Variants in ALMS1 observed in about 807,000 individuals in gnomAD.
The protein encoded by ALMS1 is ALMS1 centrosome and basal body associated protein.
Under a neutral mutation model 352.2 loss-of-function variants are expected in ALMS1, and 271 were observed. That is an observed-to-expected ratio of 0.77 (90% CI 0.70 to 0.85). The LOEUF is 0.85. Among genes scored for constraint, ALMS1 ranks in the 40% least tolerant of loss-of-function variants. The pLI is 0.00. For missense variants in ALMS1, 5,445 were observed against 4,870.7 expected (o/e 1.12, Z -3.51); for synonymous variants, 1,865 against 1,761.2 (o/e 1.06, Z -1.48).
intron 13 of ALMS1, among the ~76,000 whole-genome samples, chr2:73,551,269 A>G (rs868488250): frequency 6.6e-6 from 1 of 152,078 alleles, no homozygotes; most frequent in Non-Finnish European, 1.5e-5. Flanking sequence ...GCATTCATTC[A>G]TGGTGGTAAT....
In ALMS1 at chr2:73,459,435, C is replaced by T. The variant is rs1008469905; in HGVS notation, c.7674+4140C>T. 4 of 151,986 alleles carry T rather than the reference C, an allele frequency of 2.6e-5. No individual in the cohort carries two copies. In the East Asian group the frequency reaches 7.7e-4, roughly 29 times the overall value. The allele number at this position is 151,986 out of a possible 1,614,324, so 9.4% of individuals were successfully genotyped here. ...TTTAGGATCTAGTGTTTATACTTGC[C>T]TGAATAATTTATTAATAAAATAGCT... On this transcript the variant is annotated intron_variant, in intron 9 of 22. Coordinates refer to ENST00000613296, the MANE Select transcript of ALMS1 (RefSeq NM_001378454.1).
At chr2:73,571,669 T>A (rs1420933135) in intron 15 of ALMS1, among the ~76,000 whole-genome samples, 1 of 151,836 alleles carries the variant, frequency 6.6e-6, no homozygotes, top group African/African-American at 2.4e-5. Flanking sequence ...CATCTAAAAA[T>A]GTCAAAAAAT....
rs367797062 is a variant in ALMS1 at position 73,564,465 on chromosome 2, C to CAA, written c.10384+5344_10384+5345dup. Among the ~76,000 whole-genome samples, 505 of 63,022 alleles carry CAA rather than the reference C, an allele frequency of 8.0e-3. 6 individuals are homozygous for CAA. Among genetic ancestry groups the CAA allele is most frequent in the East Asian group, 0.011 (26 of 2,394 alleles). 41.3% of individuals were successfully genotyped at this position (63,022 alleles called of 152,430 possible). A position where few individuals can be genotyped will look rare whatever the true frequency, so the allele number is the denominator to read the frequency against. On this transcript the variant is annotated intron_variant, in intron 15 of 22. Transcript: ENST00000613296. ...CAAACGACAGAGCAAGACTCCGTCT[C>CAA]AAAAAAAAAAAAAAAAAAAAAATCA...
chr2:73,519,028 G>A (rs1233783466), intron 10 of ALMS1, among the ~76,000 whole-genome samples: 1 of 152,126 alleles, frequency 6.6e-6, no homozygotes, highest in Admixed American at 6.6e-5. Context: ...TGTCTAGGTT[G>A]CATATGTGGT....
At chr2:73,504,769 T>C (rs936352355) in intron 10 of ALMS1, among the ~76,000 whole-genome samples, 2 of 152,142 alleles carry the variant, frequency 1.3e-5, no homozygotes, top group Admixed American at 6.5e-5. Flanking sequence ...TTGGAATACA[T>C]GTGCTGAATG....
At chr2:73,390,365 A>G (rs1670620014) in intron 1 of ALMS1, among the ~76,000 whole-genome samples, 1 of 152,202 alleles carries the variant, frequency 6.6e-6, no homozygotes, top group Admixed American at 6.5e-5. Flanking sequence ...ATAATAGGAA[A>G]CATTAATTTC....
intron 13 of ALMS1, 88 bp from the exon 14 acceptor site, chr2:73,557,132 G>C: frequency 1.9e-6 from 3 of 1,578,390 alleles, no homozygotes; most frequent in Non-Finnish European, 2.6e-6. Flanking sequence ...TGGGTTTGGG[G>C]TTTTGTTTGT....
chr2:73,536,601 C>T lies in ALMS1; in HGVS notation c.9907+1652C>T, dbSNP rs78876305. Among the ~76,000 whole-genome samples the T allele has an allele frequency of 1.0e-2, 1,518 of 152,030 alleles. 28 individuals carry two copies. Among genetic ancestry groups the T allele is most frequent in the African/African-American group, 0.034 (1,414 of 41,448 alleles). On this transcript the variant is annotated intron_variant, in intron 12 of 22. Coordinates refer to ENST00000613296, the MANE Select transcript of ALMS1 (RefSeq NM_001378454.1). ...CCTAGAAATTGTTCTAATTCCTAGC[C>T]GTTATCTATGAATATGTTGTACATC... is the stretch of plus-strand genomic sequence containing the variant.
chr2:73,478,482 G>T (rs1672626709), intron 9 of ALMS1, among the ~76,000 whole-genome samples: 1 of 152,072 alleles, frequency 6.6e-6, no homozygotes, highest in African/African-American at 2.4e-5. Flanking sequence ...TAAGAGGCTG[G>T]AATAGGTTTA....
intron 11 of ALMS1, 86 bp downstream of exon 11, chr2:73,520,102 C>G (rs1207298505): frequency 6.5e-7 from 1 of 1,546,808 alleles, no homozygotes; most frequent in Non-Finnish European, 8.9e-7. Flanking sequence ...TCTTTCTAGT[C>G]AGAAAACCTA....
In ALMS1 at chr2:73,490,885, G is replaced by A. The variant is rs1298787753; in HGVS notation, c.8926G>A (p.Val2976Ile). The change falls in exon 10 of 23, where the codon GTA (valine) becomes ATA (isoleucine). Residue 2976 changes from valine to isoleucine, a missense_variant. By Grantham distance (29) the Val-to-Ile change is conservative. Transcript: ENST00000613296. ...LEQCQSKAPGVDDQMNKHHFP... is the reference protein window; with the variant it reads ...LEQCQSKAPGIDDQMNKHHFP... ...ACAATGCCAAAGCAAAGCGCCAGGT[G>A]TAGATGACCAAATGAATAAACACCA... The A allele has an allele frequency of 9.9e-6, 16 of 1,614,036 alleles. No homozygotes were observed. Among genetic ancestry groups the A allele is most frequent in the African/African-American group, 2.7e-5 (2 of 74,924 alleles).
intron 1 of ALMS1, among the ~76,000 whole-genome samples, chr2:73,391,022 C>T (rs999337732): frequency 2.0e-5 from 3 of 152,086 alleles, no homozygotes; most frequent in East Asian, 1.9e-4. Flanking sequence ...CCACCCGCCT[C>T]GGCCTCCCAA....
At position 73,431,111 on chromosome 2, in the gene ALMS1, A is replaced by G. The variant is rs369832094; in HGVS notation, c.1339-1087A>G. Among the ~76,000 whole-genome samples the G allele has an allele frequency of 1.4e-4, 21 of 152,178 alleles. No homozygotes were observed. In the South Asian group the frequency reaches 4.2e-3, roughly 30 times the overall value. On this transcript the variant is annotated intron_variant, in intron 6 of 22. Transcript: ENST00000613296. ...TATTGTAGGATGTTTTGCATCATCC[A>G]TCCCTGGCCTCTATTCACTAGATAC...
chr2:73,396,550 C>CTTTTT lies in ALMS1; in HGVS notation c.324+10375_324+10379dup, dbSNP rs60473435. ...AGGTTACATCAAATGGGTCTGAGCT[C>CTTTTT]TTTTTTTTTTTTTTTTTTTTTGCAG... On this transcript the variant is annotated intron_variant, in intron 1 of 22. Transcript: ENST00000613296. Among the ~76,000 whole-genome samples, 55 of 78,150 alleles carry CTTTTT rather than the reference C, an allele frequency of 7.0e-4. 1 individual carries two copies. Among genetic ancestry groups the CTTTTT allele is most frequent in the African/African-American group, 1.5e-3 (27 of 18,382 alleles). The allele number at this position is 78,150 out of a possible 152,430, so 51.3% of individuals were successfully genotyped here.
chr2:73,579,376 T>C (rs886166092), intron 16 of ALMS1, among the ~76,000 whole-genome samples: 1 of 151,116 alleles, frequency 6.6e-6, no homozygotes, highest in Non-Finnish European at 1.5e-5. Flanking sequence ...TTTTTTTCTT[T>C]TTAAGATGGA....
At chr2:73,476,667 T>A (rs1183497152) in intron 9 of ALMS1, among the ~76,000 whole-genome samples, 1 of 152,082 alleles carries the variant, frequency 6.6e-6, no homozygotes, top group African/African-American at 2.4e-5. Context: ...TCCCTTATGA[T>A]TAGTAATATT....
Position 73,462,293 on chromosome 2 carries a change from G to C in ALMS1, c.7674+6998G>C, listed in dbSNP as rs529673592. ...CCCTATAAGCCAGAAGAGAGTGGGG[G>C]CCAATATTCAACATTCTTAAAGAAA... On this transcript the variant is annotated intron_variant, in intron 9 of 22. Coordinates refer to ENST00000613296, the MANE Select transcript of ALMS1 (RefSeq NM_001378454.1). Among the ~76,000 whole-genome samples the C allele has an allele frequency of 2.7e-3, 410 of 152,260 alleles. 3 individuals carry two copies. Among genetic ancestry groups the C allele is most frequent in the African/African-American group, 9.6e-3 (400 of 41,494 alleles).
intron 21 of ALMS1, among the ~76,000 whole-genome samples, chr2:73,607,319 T>TGCTCC (rs1675837755): frequency 6.6e-6 from 1 of 152,240 alleles, no homozygotes; most frequent in Non-Finnish European, 1.5e-5. Context: ...CCATTATACT[T>TGCTCC]CATAATCTAT....
chr2:73,539,017 G>C (rs1246056174), intron 12 of ALMS1, among the ~76,000 whole-genome samples: 1 of 152,188 alleles, frequency 6.6e-6, no homozygotes, highest in Admixed American at 6.5e-5. Flanking sequence ...GTCCCTGTCT[G>C]ACAGCTTTGA....
Sources: gnomAD v4.1 joint callset for allele counts (sites outside exome capture counted in the v4.1 genomes callset) on GRCh38, gnomAD v4.1.1 for gene constraint, MANE v1.5 for transcripts, NCBI Gene and HGNC (gene_info 2026-07-23, HGNC 2026-07-21) for gene names.